Variants in EHMT1 observed in about 807,000 individuals in gnomAD.
EHMT1 encodes the protein histone-lysine N-methyltransferase EHMT1.
In EHMT1, 15 loss-of-function variants were observed where a neutral mutation model predicts 147.2. That is an observed-to-expected ratio of 0.10 (90% CI 0.07 to 0.16). The LOEUF (loss-of-function observed/expected upper bound fraction) is 0.16, where lower values mean the gene tolerates loss of function less well. EHMT1 is among the 10% of genes least tolerant of loss of function. EHMT1 has a pLI of 1.00. For synonymous variants in EHMT1, 795 were observed against 709.6 expected (o/e 1.12, Z -1.91); for missense variants, 1,587 against 1,772.4 (o/e 0.90, Z 1.88).
intron 9 of EHMT1, among the ~76,000 whole-genome samples, chr9:137,759,656 T>A (rs143074434): frequency 6.6e-6 from 1 of 152,370 alleles, no homozygotes; most frequent in East Asian, 1.9e-4. Flanking sequence ...TCCCTGTGTT[T>A]GATCAGCGCC....
At chr9:137,756,663 A>G (rs1324883404) in intron 8 of EHMT1, among the ~76,000 whole-genome samples, 1 of 152,220 alleles carries the variant, frequency 6.6e-6, no homozygotes, top group African/African-American at 2.4e-5. Context: ...CTGTTGGCCA[A>G]CAAAAGCATT....
rs111649345 is a variant in EHMT1 at position 137,623,420 on chromosome 9, C to CTT, written c.21+4382_21+4383dup. On this transcript the variant is annotated intron_variant, in intron 1 of 26. Coordinates refer to ENST00000460843, the MANE Select transcript of EHMT1 (RefSeq NM_024757.5). ...TTGCGTGTCTGAAAATGTATTTACT[C>CTT]TTTTTTTTTTTTGAGATGGAGGTCC... 3.1e-4 allele frequency among the ~76,000 whole-genome samples: 45 copies of CTT among 143,994 alleles called. No individual in the cohort carries two copies. In the East Asian group the frequency reaches 3.4e-3, roughly 11 times the overall value. 94.5% of individuals were successfully genotyped at this position (143,994 alleles called of 152,430 possible). A position where few individuals can be genotyped will look rare whatever the true frequency, so the allele number is the denominator to read the frequency against.
intron 6 of EHMT1, chr9:137,747,406 C>A (rs1285708448): frequency 6.6e-6 from 1 of 152,184 alleles, no homozygotes; most frequent in Non-Finnish European, 1.5e-5. Context: ...GATCGACCTG[C>A]CTCGGCCTCC....
chr9:137,812,105 G>C (rs1373389520), intron 19 of EHMT1, among the ~76,000 whole-genome samples: 1 of 152,200 alleles, frequency 6.6e-6, no homozygotes, highest in Admixed American at 6.5e-5. Flanking sequence ...TTGGGAGGCT[G>C]AGGCAGGCAG....
At chr9:137,772,671 C>G (rs1564731823) in intron 10 of EHMT1, among the ~76,000 whole-genome samples, 1 of 152,218 alleles carries the variant, frequency 6.6e-6, no homozygotes, top group Non-Finnish European at 1.5e-5. Flanking sequence ...GCTTTCTGTC[C>G]TGAAAGCACA....
chr9:137,812,769 A>G (rs373719617), intron 19 of EHMT1, among the ~76,000 whole-genome samples: 11 of 152,374 alleles, frequency 7.2e-5, no homozygotes, highest in South Asian at 4.1e-4. Context: ...TCTTCCTGCT[A>G]AGAAAACAGC....
At chr9:137,659,074 T>G (rs1209467591) in intron 1 of EHMT1, among the ~76,000 whole-genome samples, 1 of 152,204 alleles carries the variant, frequency 6.6e-6, no homozygotes, top group Non-Finnish European at 1.5e-5. Flanking sequence ...TATTTGGTTT[T>G]TCTTATTTTT....
In EHMT1 at chr9:137,787,724, GC is replaced by G; in HGVS notation, c.2383-3122del. 1.4e-6 allele frequency: 1 copy of G among 728,302 alleles called. No individual in the cohort carries two copies. The highest frequency in any genetic ancestry group is 2.4e-6 in the Non-Finnish European group (1 of 411,632). 45.1% of individuals were successfully genotyped at this position (728,302 alleles called of 1,614,324 possible). A position where few individuals can be genotyped will look rare whatever the true frequency, so the allele number is the denominator to read the frequency against. On this transcript the variant is annotated intron_variant, in intron 15 of 26. Transcript: ENST00000460843. The surrounding 1 kb of genome is among the most constrained non-coding windows in gnomAD (Gnocchi z 4.2). The stretch of plus-strand genomic sequence containing the variant: ...CCAGGGGCCGCCAGGTCCCCAGGGT[GC>G]CACCGAAACATCGTAGATGCTTTTG...
intron 1 of EHMT1, among the ~76,000 whole-genome samples, chr9:137,625,880 A>C (rs1189500504): frequency 1.3e-5 from 2 of 150,340 alleles, no homozygotes; most frequent in South Asian, 2.1e-4. Context: ...TTTGAGACGA[A>C]GTTTTGCTCT....
intron 1 of EHMT1, among the ~76,000 whole-genome samples, chr9:137,710,070 G>A (rs764104421): frequency 2.0e-5 from 3 of 151,990 alleles, no homozygotes; most frequent in Non-Finnish European, 2.9e-5. Flanking sequence ...CTGCTGCGTC[G>A]GGAGAGGCCT....
rs1182784725 is a variant in EHMT1 at position 137,786,430 on chromosome 9, C to G, written c.2382+4033C>G. 1 of 152,328 alleles carries G rather than the reference C, an allele frequency of 6.6e-6. No homozygotes were observed. The highest frequency in any genetic ancestry group is 1.5e-5 in the Non-Finnish European group (1 of 68,130). The allele number at this position is 152,328 out of a possible 1,614,324, so 9.4% of individuals were successfully genotyped here. ...CCCTGAATCCAAGGGTGCTGTTTCT[C>G]AGGGTTTCAGCATCTGCAGGGGTGT... is the stretch of plus-strand genomic sequence containing the variant. On this transcript the variant is annotated intron_variant, in intron 15 of 26. Coordinates refer to ENST00000460843, the MANE Select transcript of EHMT1 (RefSeq NM_024757.5). This position sits in a 1 kb window ranked among gnomAD's most constrained non-coding sequence, Gnocchi z 4.3.
At chr9:137,713,660 A>C (rs1267327378) in intron 2 of EHMT1, among the ~76,000 whole-genome samples, 2 of 151,992 alleles carry the variant, frequency 1.3e-5, no homozygotes, top group Non-Finnish European at 2.9e-5. Flanking sequence ...ATAGAAATAC[A>C]AGTGATTGGC....
intron 10 of EHMT1, among the ~76,000 whole-genome samples, chr9:137,767,236 C>T: frequency 6.6e-6 from 1 of 152,246 alleles, no homozygotes; most frequent in East Asian, 1.9e-4. Flanking sequence ...CCTCCTGCCT[C>T]AGCCTCTTGA....
intron 1 of EHMT1, among the ~76,000 whole-genome samples, chr9:137,635,810 A>ACT (rs1455819155): frequency 2.0e-5 from 3 of 151,728 alleles, no homozygotes; most frequent in South Asian, 2.1e-4. Flanking sequence ...ACAGAGCGAG[A>ACT]CTGTCTCAAA....
intron 1 of EHMT1, among the ~76,000 whole-genome samples, chr9:137,678,384 A>G (rs1941595921): frequency 6.6e-6 from 1 of 152,012 alleles, no homozygotes; most frequent in Non-Finnish European, 1.5e-5. Context: ...TAACCACAAG[A>G]TTTTCGTAGA....
At chr9:137,647,090 G>T (rs12238721) in intron 1 of EHMT1, among the ~76,000 whole-genome samples, 26,201 of 152,052 alleles carry the variant, frequency 0.17, 2,484 homozygotes, top group Admixed American at 0.3. Context: ...CTAGAACACT[G>T]CACTCTTCTG....
chr9:137,701,292 G>GT (rs535352472), intron 1 of EHMT1, among the ~76,000 whole-genome samples: 15,750 of 130,112 alleles, frequency 0.12, 934 homozygotes, highest in Middle Eastern at 0.21. Flanking sequence ...TTTTTCTCTT[G>GT]TTTTTTTTTG....
At chr9:137,800,341 C>T (rs960364702) in intron 17 of EHMT1, 12 of 164,426 alleles carry the variant, frequency 7.3e-5, no homozygotes, top group African/African-American at 1.4e-4. Flanking sequence ...GAAGCAGGGG[C>T]GTCCGCCTCT....
intron 1 of EHMT1, among the ~76,000 whole-genome samples, chr9:137,693,618 TGGCTCAGGACGCTGGCCGATACCCCC>T: frequency 9.3e-6 from 1 of 106,976 alleles, no homozygotes; most frequent in South Asian, 3.4e-4. Flanking sequence ...CCCCACACAG[TGGCTCAGGACGCTGGCCGATACCCCC>T]CACACAGTGG....
Sources: gnomAD v4.1 joint callset for allele counts (sites outside exome capture counted in the v4.1 genomes callset) on GRCh38, gnomAD v4.1.1 for gene constraint, Gnocchi (gnomAD v3.1) non-coding constraint, MANE v1.5 for transcripts, NCBI Gene and HGNC (gene_info 2026-07-23, HGNC 2026-07-21) for gene names.